Variants in HACE1 observed in about 807,000 individuals in gnomAD.
HACE1 encodes the protein E3 ubiquitin-protein ligase HACE1.
Under a neutral mutation model 118.4 loss-of-function variants are expected in HACE1, and 73 were observed. That is an observed-to-expected ratio of 0.62 (90% CI 0.51 to 0.75). The LOEUF is 0.75. Ranked by LOEUF, HACE1 falls within the 30% of genes least tolerant of loss-of-function variation. The pLI, the probability that HACE1 is intolerant of heterozygous loss-of-function variation, is 0.00. For synonymous variants in HACE1, 368 were observed against 374.8 expected, an observed-to-expected ratio of 0.98 and a Z score of 0.21; for missense variants, 749 against 1,102.2, an observed-to-expected ratio of 0.68 and a Z score of 4.54.
chr6:104,859,093 T>C (rs747685719), intron 1 of HACE1, among the ~76,000 whole-genome samples: 9 of 152,198 alleles, frequency 5.9e-5, no homozygotes, highest in Non-Finnish European at 1.2e-4. Flanking sequence ...GTTTGCCTGT[T>C]ATCAAAACAA....
intron 1 of HACE1, among the ~76,000 whole-genome samples, chr6:104,855,935 GATTTAC>G (rs1431548802): frequency 6.6e-6 from 1 of 152,108 alleles, no homozygotes; most frequent in African/African-American, 2.4e-5. Flanking sequence ...ATAAAAATTA[GATTTAC>G]ATCTTAAGTC....
At chr6:104,815,515 C>T (rs1297987055) in intron 6 of HACE1, among the ~76,000 whole-genome samples, 1 of 136,258 alleles carries the variant, frequency 7.3e-6, no homozygotes, top group East Asian at 2.2e-4. Flanking sequence ...GCGTGCGCCA[C>T]CACACCCAGC....
intron 11 of HACE1, among the ~76,000 whole-genome samples, chr6:104,788,418 C>T (rs976201756): frequency 5.3e-5 from 8 of 152,006 alleles, no homozygotes; most frequent in Non-Finnish European, 8.8e-5. Flanking sequence ...TATACAATCT[C>T]GAGCTTACTG....
chr6:104,777,438 A>C (rs1458758832), intron 14 of HACE1, 121 bp from the exon 15 acceptor site: 6 of 715,400 alleles, frequency 8.4e-6, no homozygotes, highest in Non-Finnish European at 1.5e-5. Flanking sequence ...ATTTACAATA[A>C]GGAGTTACTG....
In HACE1 at chr6:104,858,547, A is replaced by G. The variant is rs4131036; in HGVS notation, c.76+1020T>C. 3.0e-3 allele frequency: 1,084 copies of G among 357,950 alleles called. 13 individuals carry two copies. Among genetic ancestry groups the G allele is most frequent in the African/African-American group, 0.022 (1,025 of 45,612 alleles). 22.2% of individuals were successfully genotyped at this position (357,950 alleles called of 1,614,324 possible). On this transcript the variant is annotated intron_variant, in intron 1 of 23. Coordinates refer to ENST00000262903, the MANE Select transcript of HACE1 (RefSeq NM_020771.4). The stretch of plus-strand genomic sequence containing the variant: ...AGACCTCATCTCTATAAAAGAAAGG[A>G]AAGAAAATTATCGCCAAAGTACCCA...
At chr6:104,812,851 T>C (rs1230108972) in intron 6 of HACE1, among the ~76,000 whole-genome samples, 5 of 152,170 alleles carry the variant, frequency 3.3e-5, no homozygotes, top group Non-Finnish European at 7.4e-5. Flanking sequence ...TGAAAGTCAA[T>C]AGAAGAAACA....
At chr6:104,761,760 C>T (rs184589775) in intron 19 of HACE1, among the ~76,000 whole-genome samples, 216 of 152,268 alleles carry the variant, frequency 1.4e-3, no homozygotes, top group African/African-American at 4.9e-3. Context: ...AGTGAACAGG[C>T]AGCCTACAGA....
At chr6:104,826,637 T>G (rs1009463534) in intron 6 of HACE1, among the ~76,000 whole-genome samples, 22 of 152,332 alleles carry the variant, frequency 1.4e-4, no homozygotes, top group African/African-American at 5.3e-4. Flanking sequence ...TACAATTTAC[T>G]AAATGCAAAC....
At chr6:104,835,147 G>A (rs1488054431) in intron 5 of HACE1, among the ~76,000 whole-genome samples, 5 of 152,154 alleles carry the variant, frequency 3.3e-5, no homozygotes, top group African/African-American at 7.2e-5. Context: ...TAAAGAAATC[G>A]ACACTGGAAA....
chr6:104,755,968 C>T (rs1407019929), intron 19 of HACE1, among the ~76,000 whole-genome samples: 1 of 152,082 alleles, frequency 6.6e-6, no homozygotes, highest in Non-Finnish European at 1.5e-5. Flanking sequence ...CAAAACAACC[C>T]TTCAAAAAAT....
intron 5 of HACE1, among the ~76,000 whole-genome samples, chr6:104,838,313 C>T (rs1474126012): frequency 1.3e-5 from 2 of 152,098 alleles, no homozygotes; most frequent in African/African-American, 4.8e-5. Flanking sequence ...AATCATACTA[C>T]AGAGCTATAG....
At chr6:104,839,857 T>A (rs1017010219) in intron 5 of HACE1, among the ~76,000 whole-genome samples, 2 of 151,826 alleles carry the variant, frequency 1.3e-5, no homozygotes, top group African/African-American at 4.8e-5. Context: ...AATGCAAAAA[T>A]TAGCTGGGCA....
chr6:104,784,271 AC>A, intron 13 of HACE1, 98 bp from the exon 14 acceptor site: 1 of 873,382 alleles, frequency 1.1e-6, no homozygotes, highest in Non-Finnish European at 2.0e-6. Context: ...GAAGAAAAAC[AC>A]ATAATAATCC....
At chr6:104,839,392 G>A (rs976094065) in intron 5 of HACE1, among the ~76,000 whole-genome samples, 1 of 152,112 alleles carries the variant, frequency 6.6e-6, no homozygotes, top group East Asian at 1.9e-4. Context: ...AGTCTCCAAG[G>A]AATGTGACAA....
chr6:104,794,984 A>G (rs1214854493), intron 10 of HACE1, among the ~76,000 whole-genome samples: 1 of 152,188 alleles, frequency 6.6e-6, no homozygotes, highest in Admixed American at 6.5e-5. Flanking sequence ...ATAATAAGAC[A>G]ATAATCATTT....
rs1034017198 is a variant in HACE1, at chr6:104,843,145, A to C, written c.402+78T>G. The C allele has an allele frequency of 4.9e-6, 4 of 815,440 alleles. No homozygotes were observed. The African/African-American group carries it at 5.0e-5, about 10-fold the overall frequency. 50.5% of individuals were successfully genotyped at this position (815,440 alleles called of 1,614,324 possible). Reference sequence around the variant, plus strand: ...TAACTTGCAGAAACACTTGTACTACACTTTGCCTAACTGTCACATTCAATA... The same window carrying C: ...TAACTTGCAGAAACACTTGTACTACCCTTTGCCTAACTGTCACATTCAATA... On this transcript the variant is annotated intron_variant, in intron 5 of 23. Coordinates refer to ENST00000262903, the MANE Select transcript of HACE1 (RefSeq NM_020771.4).
chr6:104,734,070 T>C (rs1775520174), intron 22 of HACE1, among the ~76,000 whole-genome samples: 1 of 149,260 alleles, frequency 6.7e-6, no homozygotes, highest in South Asian at 2.1e-4. Context: ...GGAGAATCAC[T>C]TCAACCTGGG....
chr6:104,784,136 G>T lies in HACE1; in HGVS notation c.1516C>A (p.Leu506Ile). 6.2e-7 allele frequency: 1 copy of T among 1,601,828 alleles called. No homozygotes were observed. Among genetic ancestry groups the T allele is most frequent in the Non-Finnish European group, 8.6e-7 (1 of 1,169,102 alleles). ...CTTGACATCAACTCAGGACATTCAA[G>T]GAGAAAGTGAAAGTGGTCAAATATA... ...KIIFDHFHFLLECPELMSRFM... is the reference protein window; with the variant it reads ...KIIFDHFHFLIECPELMSRFM... Residue 506 changes from leucine to isoleucine, a missense_variant, in exon 14 of 24, where the codon CTT (leucine) becomes ATT (isoleucine). By Grantham distance (5) the Leu-to-Ile change is conservative. Coordinates refer to ENST00000262903, the MANE Select transcript of HACE1 (RefSeq NM_020771.4).
intron 22 of HACE1, 91 bp from the exon 23 acceptor site, chr6:104,730,507 T>C (rs1775088899): frequency 1.4e-6 from 1 of 736,604 alleles, no homozygotes; most frequent in Non-Finnish European, 2.5e-6. Flanking sequence ...TAGGAATATA[T>C]CCAACTCTAG....
Sources: allele counts gnomAD v4.1 joint callset (sites outside exome capture counted in the v4.1 genomes callset), GRCh38; gene constraint gnomAD v4.1.1; transcripts MANE v1.5; gene names NCBI Gene and HGNC (gene_info 2026-07-23, HGNC 2026-07-21).